Variants in GLT1D1 observed in about 807,000 individuals in gnomAD.
GLT1D1 encodes glycosyltransferase 1 domain-containing protein 1.
Under a neutral mutation model 28.7 loss-of-function variants are expected in GLT1D1, and 21 were observed. That is an observed-to-expected ratio of 0.73 (90% CI 0.52 to 1.05). GLT1D1 has a LOEUF of 1.05. Among genes scored for constraint, GLT1D1 ranks in the 50% least tolerant of loss-of-function variants. The pLI is 0.00. For missense variants in GLT1D1, 343 were observed against 330.6 expected, an observed-to-expected ratio of 1.04 and a Z score of -0.29; for synonymous variants, 147 against 124.8, an observed-to-expected ratio of 1.18 and a Z score of -1.19.
chr12:128,943,602 A>G (rs1202433407), intron 4 of GLT1D1, among the ~76,000 whole-genome samples: 4 of 152,246 alleles, frequency 2.6e-5, no homozygotes, highest in African/African-American at 9.6e-5. Flanking sequence ...GTATTTTCAA[A>G]GGAAACAAGT....
At chr12:128,938,222 TG>T (rs1309534052) in intron 4 of GLT1D1, among the ~76,000 whole-genome samples, 1 of 152,220 alleles carries the variant, frequency 6.6e-6, no homozygotes, top group Non-Finnish European at 1.5e-5. Flanking sequence ...ATAACCAGGT[TG>T]TTGGAAGAAA....
chr12:128,899,417 T>C, intron 4 of GLT1D1, 130 bp downstream of exon 4: 1 of 740,668 alleles, frequency 1.4e-6, no homozygotes, highest in South Asian at 1.5e-5. Flanking sequence ...AATAGTGTAT[T>C]ATGTTTCCCA....
At chr12:128,871,445 G>A (rs1390249665) in intron 1 of GLT1D1, among the ~76,000 whole-genome samples, 3 of 152,140 alleles carry the variant, frequency 2.0e-5, no homozygotes, top group Non-Finnish European at 4.4e-5. Flanking sequence ...CAAGATACAC[G>A]ATGCACTTCA....
chr12:128,939,710 C>T (rs567270875), intron 4 of GLT1D1, among the ~76,000 whole-genome samples: 10 of 152,164 alleles, frequency 6.6e-5, no homozygotes, highest in Middle Eastern at 3.4e-3. Context: ...GGGAAGTAGG[C>T]GCGTCTTACA....
At chr12:128,975,939 C>A (rs1879723433) in intron 7 of GLT1D1, among the ~76,000 whole-genome samples, 1 of 151,986 alleles carries the variant, frequency 6.6e-6, no homozygotes, top group Non-Finnish European at 1.5e-5. Context: ...CTGACTTTAC[C>A]CGATGCAGGA....
intron 4 of GLT1D1, among the ~76,000 whole-genome samples, chr12:128,931,917 G>GCACGCACGCACA (rs1368012620): frequency 1.1e-3 from 152 of 141,100 alleles, no homozygotes; most frequent in African/African-American, 3.8e-3. Flanking sequence ...ACACACGCAC[G>GCACGCACGCACA]CACACACACA....
intron 4 of GLT1D1, among the ~76,000 whole-genome samples, chr12:128,904,986 C>G (rs996415201): frequency 2.6e-5 from 4 of 152,136 alleles, no homozygotes; most frequent in Admixed American, 1.3e-4. Context: ...CCAGGCTGGT[C>G]TCGAACTCCT....
intron 7 of GLT1D1, among the ~76,000 whole-genome samples, chr12:128,963,790 G>C (rs1281330807): frequency 1.3e-5 from 2 of 152,222 alleles, no homozygotes; most frequent in African/African-American, 4.8e-5. Context: ...GAAGGTGAAG[G>C]AATGAAACAG....
intron 3 of GLT1D1, among the ~76,000 whole-genome samples, chr12:128,889,927 A>G (rs1377949750): frequency 2.6e-5 from 4 of 152,156 alleles, no homozygotes; most frequent in Non-Finnish European, 5.9e-5. Context: ...GGCGCCTGCC[A>G]CCACAGTCGG....
intron 3 of GLT1D1, among the ~76,000 whole-genome samples, chr12:128,896,732 A>G (rs1869682862): frequency 6.6e-6 from 1 of 152,098 alleles, no homozygotes; most frequent in South Asian, 2.1e-4. Flanking sequence ...GGCATGCACC[A>G]CCATGCCCAG....
rs141556994 is a variant in GLT1D1 at position 128,861,302 on chromosome 12, C to G, written c.68+7653C>G. On this transcript the variant is annotated intron_variant, in intron 1 of 7. Transcript: ENST00000281703. ...CAGAATGGAGTAGTTAGAACAGAGG[C>G]CCTCTGACCCACGAACCCAAAGGTA... Among the ~76,000 whole-genome samples the G allele has an allele frequency of 7.2e-5, 11 of 152,248 alleles. No individual in the cohort carries two copies. In the East Asian group the frequency reaches 2.1e-3, roughly 29 times the overall value.
At chr12:128,912,689 G>T (rs1343533259) in intron 4 of GLT1D1, among the ~76,000 whole-genome samples, 1 of 151,834 alleles carries the variant, frequency 6.6e-6, no homozygotes, top group Admixed American at 6.6e-5. Context: ...TTGAGACAAG[G>T]TCTGGCTCTG....
intron 4 of GLT1D1, among the ~76,000 whole-genome samples, chr12:128,911,082 G>A (rs887964955): frequency 6.6e-5 from 10 of 152,198 alleles, no homozygotes; most frequent in East Asian, 5.8e-4. Context: ...GGCGCATGCC[G>A]CCACACCCGG....
chr12:128,908,903 C>G (rs903240042), intron 4 of GLT1D1, among the ~76,000 whole-genome samples: 4 of 152,030 alleles, frequency 2.6e-5, no homozygotes, highest in Non-Finnish European at 5.9e-5. Flanking sequence ...GAGCCGAGAT[C>G]GCGCCCCTGC....
intron 3 of GLT1D1, among the ~76,000 whole-genome samples, chr12:128,897,872 GT>G (rs2135849879): frequency 6.6e-6 from 1 of 152,140 alleles, no homozygotes; most frequent in East Asian, 1.9e-4. Flanking sequence ...GTTTCACGGT[GT>G]TAGCCAGGTG....
intron 3 of GLT1D1, among the ~76,000 whole-genome samples, chr12:128,895,707 C>T (rs762068900): frequency 2.0e-5 from 3 of 152,048 alleles, no homozygotes; most frequent in Non-Finnish European, 2.9e-5. Flanking sequence ...GATCCTCCCC[C>T]CTCGGCCTCC....
At chr12:128,931,917 G>GCACGCGCGCACACACACACACACA (rs1368012620) in intron 4 of GLT1D1, among the ~76,000 whole-genome samples, 6 of 141,002 alleles carry the variant, frequency 4.3e-5, no homozygotes, top group Non-Finnish European at 8.0e-5. Flanking sequence ...ACACACGCAC[G>GCACGCGCGCACACACACACACACA]CACACACACA....
rs187488616 is a variant in GLT1D1 at position 128,888,550 on chromosome 12, C to T, written c.218-89C>T. 30 of 817,716 alleles carry T rather than the reference C, an allele frequency of 3.7e-5. No individual in the cohort carries two copies. In the Admixed American group the frequency reaches 5.6e-4, roughly 15 times the overall value. The allele number at this position is 817,716 out of a possible 1,614,324, so 50.7% of individuals were successfully genotyped here. A position where few individuals can be genotyped will look rare whatever the true frequency, so the allele number is the denominator to read the frequency against. On this transcript the variant is annotated intron_variant, in intron 2 of 7. Transcript: ENST00000281703. ...ACAAACAGCTCCGGCGATCTGGGAACTTCAGTGTTTAAGATCCTTGCTTGG... is the reference window on the plus strand; with the variant it reads ...ACAAACAGCTCCGGCGATCTGGGAATTTCAGTGTTTAAGATCCTTGCTTGG...
intron 4 of GLT1D1, among the ~76,000 whole-genome samples, chr12:128,904,878 C>T (rs1270610329): frequency 1.3e-5 from 2 of 152,196 alleles, no homozygotes; most frequent in Non-Finnish European, 2.9e-5. Flanking sequence ...AGGCGATCCA[C>T]CTGCCTCGGC....
Sources: allele counts gnomAD v4.1 joint callset (sites outside exome capture counted in the v4.1 genomes callset), GRCh38; gene constraint gnomAD v4.1.1; transcripts MANE v1.5; gene names NCBI Gene and HGNC (gene_info 2026-07-23, HGNC 2026-07-21).